Variants in SWT1 observed in about 807,000 individuals in gnomAD.
SWT1 encodes transcriptional protein SWT1.
A neutral mutation model predicts 107.3 loss-of-function variants in SWT1; 33 were observed. The ratio of observed to expected loss-of-function variants is 0.31; its 90% CI spans 0.23 to 0.41. The LOEUF (loss-of-function observed/expected upper bound fraction) is 0.41, where lower values mean the gene tolerates loss of function less well. Ranked by LOEUF, SWT1 falls within the 10% of genes least tolerant of loss-of-function variation. SWT1 has a pLI of 1.00. For missense variants in SWT1, 898 were observed against 1,028.9 expected (o/e 0.87, Z 1.74); for synonymous variants, 345 against 348.3 (o/e 0.99, Z 0.11).
chr1:185,208,450 G>A (rs950173361), intron 13 of SWT1, among the ~76,000 whole-genome samples: 1 of 152,118 alleles, frequency 6.6e-6, no homozygotes, highest in African/African-American at 2.4e-5. Context: ...TGCATTGTAG[G>A]ATGACTAGAA....
intron 16 of SWT1, among the ~76,000 whole-genome samples, chr1:185,238,736 C>G (rs922272639): frequency 1.3e-5 from 2 of 151,526 alleles, no homozygotes; most frequent in African/African-American, 2.4e-5. Context: ...TTAAACCGGG[C>G]AGATAATAGG....
chr1:185,224,541 G>A (rs566746969), intron 15 of SWT1, among the ~76,000 whole-genome samples: 120 of 152,162 alleles, frequency 7.9e-4, no homozygotes, highest in African/African-American at 2.8e-3. Flanking sequence ...GGTAGAGATT[G>A]CATTAAATCT....
In SWT1 at chr1:185,180,449, A is replaced by G. The variant is rs1404903199; in HGVS notation, c.1025A>G (p.Glu342Gly). The part of the protein sequence containing the change: ...SSESIQDADQ[E>G]MQIVEELHAA... The stretch of plus-strand genomic sequence containing the variant: ...GAAAGTATCCAGGATGCAGATCAAG[A>G]GGTTATTGATATTCTTGTTTACTTT... Residue 342 changes from glutamate (E) to glycine (G), a missense_variant and splice_region_variant, in exon 6 of 19, where the codon GAG becomes GGG. Around this residue, in one of 6 missense-constraint regions of SWT1, gnomAD observed 94 missense variants for 114.5 expected, o/e 0.82. Coordinates refer to ENST00000367500, the MANE Select transcript of SWT1 (RefSeq NM_017673.7). 1.2e-6 allele frequency: 2 copies of G among 1,607,818 alleles called. No individual in the cohort carries two copies. Among genetic ancestry groups the G allele is most frequent in the Non-Finnish European group, 1.7e-6 (2 of 1,174,376 alleles).
intron 9 of SWT1, among the ~76,000 whole-genome samples, chr1:185,189,587 C>T (rs949695436): frequency 1.3e-5 from 2 of 151,986 alleles, no homozygotes; most frequent in Non-Finnish European, 2.9e-5. Flanking sequence ...TATTAGGATT[C>T]GTGGTTTTTG....
At chr1:185,255,872 G>C (rs1662462433) in intron 16 of SWT1, among the ~76,000 whole-genome samples, 3 of 151,422 alleles carry the variant, frequency 2.0e-5, no homozygotes, top group Admixed American at 1.3e-4. Context: ...TTTCTTCCTA[G>C]TCTTGATGGT....
At chr1:185,214,408 C>T (rs1033445189) in intron 13 of SWT1, 99 bp from the exon 14 acceptor site, 2 of 908,986 alleles carry the variant, frequency 2.2e-6, no homozygotes, top group African/African-American at 3.4e-5. Flanking sequence ...TAAATGTATA[C>T]TCTTTTTAAA....
At chr1:185,178,521 T>A (rs573920386) in intron 5 of SWT1, among the ~76,000 whole-genome samples, 1 of 152,342 alleles carries the variant, frequency 6.6e-6, no homozygotes, top group African/African-American at 2.4e-5. Context: ...TGAAAGGCTT[T>A]ATCCCAACCT....
At position 185,202,808 on chromosome 1, in the gene SWT1, T is replaced by G; in HGVS notation, c.1669+9T>G. The stretch of plus-strand genomic sequence containing the variant: ...GCAACAGTTGAAAGCAGGTAGTATT[T>G]TTACTATAAATAATTAGAGATATAT... On this transcript the variant is annotated intron_variant, in intron 11 of 18. Transcript: ENST00000367500. The G allele has an allele frequency of 2.8e-6, 4 of 1,453,588 alleles. No homozygotes were observed. The highest frequency in any genetic ancestry group is 3.7e-6 in the Non-Finnish European group (4 of 1,081,130). 90.0% of individuals were successfully genotyped at this position (1,453,588 alleles called of 1,614,324 possible).
intron 18 of SWT1, among the ~76,000 whole-genome samples, chr1:185,287,964 T>G (rs1463872906): frequency 6.6e-6 from 1 of 152,090 alleles, no homozygotes; most frequent in East Asian, 1.9e-4. Flanking sequence ...AAGAAAAACA[T>G]AAGACACAGA....
intron 10 of SWT1, among the ~76,000 whole-genome samples, chr1:185,196,230 C>T (rs966606331): frequency 2.6e-5 from 4 of 152,212 alleles, no homozygotes; most frequent in Non-Finnish European, 4.4e-5. Flanking sequence ...GTTTTCCCAA[C>T]ACCATTTATT....
In SWT1 at chr1:185,174,485, A is replaced by C; in HGVS notation, c.338A>C (p.Gln113Pro). 1 of 1,611,456 alleles carries C rather than the reference A, an allele frequency of 6.2e-7. No homozygotes were observed. Among genetic ancestry groups the C allele is most frequent in the Non-Finnish European group, 8.5e-7 (1 of 1,179,238 alleles). Residue 113 changes from glutamine to proline, a missense_variant, in exon 5 of 19, where the codon CAG (glutamine) becomes CCG (proline). Physicochemically the swap from Gln to Pro is moderately conservative, Grantham distance 76. Coordinates refer to ENST00000367500, the MANE Select transcript of SWT1 (RefSeq NM_017673.7). ...SYSNDNQIIL[Q>P]SPSSNGTKKD... Reference sequence around the variant, plus strand: ...TCAAATGATAATCAAATTATTTTGCAGAGTCCTTCTTCAAATGGAACTAAA... The same window carrying C: ...TCAAATGATAATCAAATTATTTTGCCGAGTCCTTCTTCAAATGGAACTAAA...
At chr1:185,238,308 C>A (rs1661038922) in intron 16 of SWT1, among the ~76,000 whole-genome samples, 1 of 152,042 alleles carries the variant, frequency 6.6e-6, no homozygotes, top group Non-Finnish European at 1.5e-5. Context: ...TTAAAGCTAT[C>A]TTGAGCCTCA....
intron 5 of SWT1, among the ~76,000 whole-genome samples, chr1:185,179,721 A>G (rs1655863950): frequency 6.6e-6 from 1 of 152,138 alleles, no homozygotes; most frequent in African/African-American, 2.4e-5. Flanking sequence ...GGTGGCATGT[A>G]ATTTTATTCT....
At chr1:185,175,753 G>A (rs1655493668) in intron 5 of SWT1, among the ~76,000 whole-genome samples, 2 of 150,400 alleles carry the variant, frequency 1.3e-5, no homozygotes, top group South Asian at 2.2e-4. Flanking sequence ...GAGAACACTC[G>A]GGACAATATT....
At chr1:185,238,707 A>C (rs1224626135) in intron 16 of SWT1, among the ~76,000 whole-genome samples, 1 of 152,146 alleles carries the variant, frequency 6.6e-6, no homozygotes, top group African/African-American at 2.4e-5. Flanking sequence ...GGAAACTACA[A>C]AATTGTGAAT....
chr1:185,230,365 C>T (rs1571566294), intron 15 of SWT1, among the ~76,000 whole-genome samples: 1 of 152,314 alleles, frequency 6.6e-6, no homozygotes, highest in East Asian at 1.9e-4. Flanking sequence ...CTTGGTTCTT[C>T]TGGAGTTTCT....
At chr1:185,285,977 G>A (rs1053022401) in intron 18 of SWT1, among the ~76,000 whole-genome samples, 3 of 152,184 alleles carry the variant, frequency 2.0e-5, no homozygotes, top group African/African-American at 7.2e-5. Flanking sequence ...TTTTGAAATT[G>A]ACAAGTGTAA....
At chr1:185,266,933 C>G (rs527828013) in intron 16 of SWT1, among the ~76,000 whole-genome samples, 1 of 150,870 alleles carries the variant, frequency 6.6e-6, no homozygotes, top group East Asian at 1.9e-4. Flanking sequence ...TAAAAGACAG[C>G]TTTTTTTTTG....
At chr1:185,276,471 T>A (rs1167227641) in intron 17 of SWT1, 133 bp from the exon 18 acceptor site, 1 of 482,060 alleles carries the variant, frequency 2.1e-6, no homozygotes, top group Non-Finnish European at 3.8e-6. Flanking sequence ...CACTTCTTAT[T>A]GTTGCTGTTT....
Sources: gnomAD v4.1 joint callset for allele counts (sites outside exome capture counted in the v4.1 genomes callset) on GRCh38, gnomAD v4.1.1 for gene constraint, gnomAD v4.1.1 regional missense constraint, MANE v1.5 for transcripts, NCBI Gene and HGNC (gene_info 2026-07-23, HGNC 2026-07-21) for gene names.